GRB10: variants seen among roughly 807,000 people sequenced by gnomAD.
GRB10 encodes the protein growth factor receptor-bound protein 10.
In GRB10, 20 loss-of-function variants were observed where a neutral mutation model predicts 80.9. That is an observed-to-expected ratio of 0.25 (90% CI 0.17 to 0.36). The LOEUF is 0.36. GRB10 is among the 10% of genes least tolerant of loss of function. GRB10 has a pLI of 1.00. For missense variants in GRB10, 548 were observed against 747.7 expected, an observed-to-expected ratio of 0.73 and a Z score of 3.12; for synonymous variants, 291 against 291.5, an observed-to-expected ratio of 1.00 and a Z score of 0.02.
chr7:50,623,014 A>G (rs1419770620), intron 8 of GRB10, among the ~76,000 whole-genome samples: 2 of 152,176 alleles, frequency 1.3e-5, no homozygotes, highest in Non-Finnish European at 2.9e-5. Flanking sequence ...TGACTGTTTA[A>G]TATCACTGCA....
intron 5 of GRB10, among the ~76,000 whole-genome samples, chr7:50,691,372 G>A (rs1440449334): frequency 3.3e-5 from 5 of 152,126 alleles, no homozygotes; most frequent in African/African-American, 1.2e-4. Context: ...CACTCTCAAG[G>A]GCTGTGATCT....
chr7:50,621,958 C>T (rs930810354), intron 8 of GRB10, among the ~76,000 whole-genome samples: 2 of 152,246 alleles, frequency 1.3e-5, no homozygotes, highest in African/African-American at 2.4e-5. Flanking sequence ...CGGCAGAAAC[C>T]TGTGCTGCCA....
In GRB10 at chr7:50,592,739, G is replaced by A. The variant is rs916709856; in HGVS notation, c.*213C>T. ...CTTCCATGCCCTCCCCAATTTGGCC[G>A]ATGCAGAGGGAGGCGACCCTGCTGG... On this transcript the variant is annotated 3_prime_UTR_variant, in exon 19 of 19. Transcript: ENST00000401949. 2.0e-5 allele frequency: 12 copies of A among 591,242 alleles called. No individual in the cohort carries two copies. The highest frequency in any genetic ancestry group is 8.6e-5 in the Admixed American group (3 of 34,890). The allele number at this position is 591,242 out of a possible 1,614,324, so 36.6% of individuals were successfully genotyped here. A position where few individuals can be genotyped will look rare whatever the true frequency, so the allele number is the denominator to read the frequency against.
chr7:50,654,849 A>G (rs1207306699), intron 7 of GRB10, among the ~76,000 whole-genome samples: 3 of 152,252 alleles, frequency 2.0e-5, no homozygotes, highest in Non-Finnish European at 4.4e-5. Context: ...GAACACTCGC[A>G]TAACTACAGT....
At chr7:50,709,193 T>C (rs776322138) in intron 4 of GRB10, among the ~76,000 whole-genome samples, 1 of 152,208 alleles carries the variant, frequency 6.6e-6, no homozygotes. Flanking sequence ...TTCATAAAGA[T>C]GAACACGAGA....
At chr7:50,770,647 G>A (rs2076898706) in intron 2 of GRB10, among the ~76,000 whole-genome samples, 1 of 152,160 alleles carries the variant, frequency 6.6e-6, no homozygotes, top group South Asian at 2.1e-4. Flanking sequence ...TTTTCTAGAG[G>A]CCAAATAGCA....
chr7:50,604,404 C>T (rs191779854), intron 15 of GRB10, 27 bp from the exon 16 acceptor site: 6 of 1,590,538 alleles, frequency 3.8e-6, no homozygotes, highest in East Asian at 2.2e-5. Context: ...ACATTAGCAC[C>T]GAGGACAGCA....
intron 2 of GRB10, among the ~76,000 whole-genome samples, chr7:50,766,616 G>A (rs2076363202): frequency 6.6e-6 from 1 of 152,120 alleles, no homozygotes; most frequent in Admixed American, 6.5e-5. Flanking sequence ...AGTTTGGAGT[G>A]GAGAGGCGTG....
intron 3 of GRB10, among the ~76,000 whole-genome samples, chr7:50,753,553 T>A (rs2153702279): frequency 6.6e-6 from 1 of 152,254 alleles, no homozygotes; most frequent in African/African-American, 2.4e-5. Context: ...CCATGCCTCA[T>A]TCAATACCTG....
chr7:50,658,898 G>A (rs532766666), intron 7 of GRB10, among the ~76,000 whole-genome samples: 10 of 152,248 alleles, frequency 6.6e-5, no homozygotes, highest in East Asian at 1.9e-4. Flanking sequence ...CCGTCACGTC[G>A]GGCCTTCGGG....
intron 5 of GRB10, among the ~76,000 whole-genome samples, chr7:50,682,272 AAG>A (rs1248077164): frequency 6.6e-6 from 1 of 152,224 alleles, no homozygotes; most frequent in Non-Finnish European, 1.5e-5. Flanking sequence ...TCCAGTGAGG[AAG>A]AGAGTTTGGC....
At chr7:50,788,912 C>G (rs1358332563) in intron 1 of GRB10, among the ~76,000 whole-genome samples, 1 of 152,210 alleles carries the variant, frequency 6.6e-6, no homozygotes, top group African/African-American at 2.4e-5. Flanking sequence ...GATCTGTCTC[C>G]ACACCCAATG....
chr7:50,696,665 G>T (rs2063463824), intron 5 of GRB10, among the ~76,000 whole-genome samples: 1 of 152,114 alleles, frequency 6.6e-6, no homozygotes, highest in Non-Finnish European at 1.5e-5. Context: ...TCTCTGCTTG[G>T]GTTATGAGCA....
chr7:50,717,793 G>C (rs1242848056), intron 4 of GRB10, among the ~76,000 whole-genome samples: 1 of 152,214 alleles, frequency 6.6e-6, no homozygotes, highest in Non-Finnish European at 1.5e-5. Flanking sequence ...TCTGAAATGA[G>C]GTTCTTGGGG....
At chr7:50,649,839 A>AT (rs1437297224) in intron 7 of GRB10, among the ~76,000 whole-genome samples, 5 of 152,232 alleles carry the variant, frequency 3.3e-5, no homozygotes, top group African/African-American at 9.6e-5. Flanking sequence ...TGAGCGGACA[A>AT]TGACCCCTTT....
chr7:50,630,066 A>T (rs913091504), intron 7 of GRB10, among the ~76,000 whole-genome samples: 2 of 152,240 alleles, frequency 1.3e-5, no homozygotes, highest in Admixed American at 1.3e-4. Context: ...TCTGAGTTCT[A>T]TCCCGGCTTA....
At chr7:50,635,265 A>G (rs2054742729) in intron 7 of GRB10, among the ~76,000 whole-genome samples, 1 of 152,226 alleles carries the variant, frequency 6.6e-6, no homozygotes, top group African/African-American at 2.4e-5. Flanking sequence ...AAACTAAAAA[A>G]CGTGCTCCTG....
In GRB10 at chr7:50,613,302, G is replaced by A. The variant is rs112712127; in HGVS notation, c.1096-463C>T. Among the ~76,000 whole-genome samples the A allele has an allele frequency of 1.5e-3, 227 of 152,120 alleles. 3 individuals are homozygous for A. The highest frequency in any genetic ancestry group is 5.2e-3 in the African/African-American group (214 of 41,504). On this transcript the variant is annotated intron_variant, in intron 12 of 18. Coordinates refer to ENST00000401949, the MANE Select transcript of GRB10 (RefSeq NM_001350814.2). ...GCTGCTGCAGGGCTTAGCCAAGAGG[G>A]GCAACCCCTGAGGAGCTCAGGGATT...
intron 3 of GRB10, among the ~76,000 whole-genome samples, chr7:50,742,011 A>C (rs116311954): frequency 0.013 from 1,907 of 146,050 alleles, 49 homozygotes; most frequent in African/African-American, 0.045. Flanking sequence ...TAATTTTTAC[A>C]AAAAAAAAAA....
Sources: allele counts gnomAD v4.1 joint callset (sites outside exome capture counted in the v4.1 genomes callset), GRCh38; gene constraint gnomAD v4.1.1; transcripts MANE v1.5; gene names NCBI Gene and HGNC (gene_info 2026-07-23, HGNC 2026-07-21).